Variants in CDH18 observed in about 807,000 individuals in gnomAD.
CDH18 encodes the protein cadherin-18.
In CDH18, 31 loss-of-function variants were observed where a neutral mutation model predicts 67.9. The ratio of observed to expected loss-of-function variants is 0.46; its 90% CI spans 0.34 to 0.62. The LOEUF is 0.62. CDH18 is among the 20% of genes least tolerant of loss of function. The pLI, the probability that CDH18 is intolerant of heterozygous loss-of-function variation, is 0.01. For missense variants in CDH18, 890 were observed against 975.5 expected (o/e 0.91, Z 1.17); for synonymous variants, 362 against 347.2 (o/e 1.04, Z -0.48).
At chr5:19,746,170 A>C (rs997305183) in intron 4 of CDH18, among the ~76,000 whole-genome samples, 1 of 152,292 alleles carries the variant, frequency 6.6e-6, no homozygotes, top group Admixed American at 6.5e-5. Flanking sequence ...AAAATAAACA[A>C]AAATAAATTC....
chr5:19,771,483 AG>A (rs1773724212), intron 3 of CDH18, among the ~76,000 whole-genome samples: 1 of 152,198 alleles, frequency 6.6e-6, no homozygotes, highest in African/African-American at 2.4e-5. Context: ...AGAGACACAC[AG>A]GTATCTTGGA....
chr5:19,709,384 A>G (rs941018507), intron 5 of CDH18, among the ~76,000 whole-genome samples: 2 of 152,084 alleles, frequency 1.3e-5, no homozygotes, highest in Non-Finnish European at 1.5e-5. Context: ...CCTGATCAAC[A>G]TGGTGAAACC....
At chr5:19,884,775 G>C (rs1788020596) in intron 2 of CDH18, among the ~76,000 whole-genome samples, 1 of 151,890 alleles carries the variant, frequency 6.6e-6, no homozygotes, top group Non-Finnish European at 1.5e-5. Context: ...ATTATTTCTA[G>C]AAGCTTAAGT....
chr5:19,848,563 A>C (rs1783273799), intron 2 of CDH18, among the ~76,000 whole-genome samples: 1 of 152,090 alleles, frequency 6.6e-6, no homozygotes, highest in Non-Finnish European at 1.5e-5. Context: ...TTGTTAATAT[A>C]ACTCAGGATA....
At chr5:20,448,821 A>G (rs769189460) in intron 1 of CDH18, among the ~76,000 whole-genome samples, 9 of 152,150 alleles carry the variant, frequency 5.9e-5, no homozygotes, top group Non-Finnish European at 1.2e-4. Flanking sequence ...CGATTAACCA[A>G]AACAATGACC....
intron 1 of CDH18, among the ~76,000 whole-genome samples, chr5:20,338,031 A>T (rs1580786530): frequency 6.6e-6 from 1 of 152,144 alleles, no homozygotes; most frequent in African/African-American, 2.4e-5. Flanking sequence ...ATCTTGTGAG[A>T]CCCACCAACC....
chr5:20,221,509 A>G (rs1433249068), intron 2 of CDH18, among the ~76,000 whole-genome samples: 1 of 152,128 alleles, frequency 6.6e-6, no homozygotes, highest in Non-Finnish European at 1.5e-5. Flanking sequence ...GTTATTGGGT[A>G]CAGAAACATA....
intron 2 of CDH18, among the ~76,000 whole-genome samples, chr5:19,890,681 G>A (rs186351180): frequency 5.3e-5 from 8 of 150,122 alleles, no homozygotes; most frequent in African/African-American, 1.5e-4. Context: ...TGCAACCTCC[G>A]CATCCTGGGT....
intron 2 of CDH18, among the ~76,000 whole-genome samples, chr5:19,843,708 C>G (rs978470577): frequency 1.3e-5 from 2 of 152,208 alleles, no homozygotes; most frequent in African/African-American, 4.8e-5. Context: ...TCAATGCCAG[C>G]TGTGAAAGCA....
At chr5:19,969,408 G>A (rs1295940383) in intron 2 of CDH18, among the ~76,000 whole-genome samples, 2 of 150,370 alleles carry the variant, frequency 1.3e-5, no homozygotes, top group Non-Finnish European at 1.5e-5. Flanking sequence ...TGTTTATTGC[G>A]GCACTATTCC....
intron 2 of CDH18, among the ~76,000 whole-genome samples, chr5:20,167,867 C>G (rs541465232): frequency 3.9e-5 from 6 of 152,290 alleles, no homozygotes; most frequent in African/African-American, 1.2e-4. Context: ...CTTGCCAGGG[C>G]ACCAATTGCT....
intron 7 of CDH18, among the ~76,000 whole-genome samples, chr5:19,586,687 A>G (rs979036378): frequency 1.3e-5 from 2 of 152,158 alleles, no homozygotes; most frequent in Admixed American, 6.6e-5. Flanking sequence ...ATGTGTCTTT[A>G]TAACAGAATG....
chr5:19,487,449 A>G (rs16885921), intron 11 of CDH18, among the ~76,000 whole-genome samples: 40,778 of 152,064 alleles, frequency 0.27, 5,698 homozygotes, highest in African/African-American at 0.34. Context: ...GAAGACTTTG[A>G]GACCTTAAAA....
intron 5 of CDH18, among the ~76,000 whole-genome samples, chr5:19,689,252 A>C (rs1372014586): frequency 6.6e-6 from 1 of 152,102 alleles, no homozygotes; most frequent in Non-Finnish European, 1.5e-5. Flanking sequence ...TGCAAATACA[A>C]ATAGAAAATT....
chr5:19,727,529 T>A (rs1050603836), intron 4 of CDH18, among the ~76,000 whole-genome samples: 1 of 152,208 alleles, frequency 6.6e-6, no homozygotes, highest in Non-Finnish European at 1.5e-5. Flanking sequence ...GACACCTTGT[T>A]CTCAGACTTC....
chr5:20,062,393 A>G (rs896387504), intron 2 of CDH18, among the ~76,000 whole-genome samples: 2 of 151,934 alleles, frequency 1.3e-5, no homozygotes, highest in Non-Finnish European at 2.9e-5. Flanking sequence ...ACCTCAAGTG[A>G]TCCACCCACC....
intron 2 of CDH18, among the ~76,000 whole-genome samples, chr5:20,080,086 T>TA (rs1372010088): frequency 6.6e-6 from 1 of 152,144 alleles, no homozygotes; most frequent in Non-Finnish European, 1.5e-5. Flanking sequence ...ATTCAGTTCA[T>TA]AGCAAGTATA....
chr5:20,176,404 C>T (rs1737237998), intron 2 of CDH18, among the ~76,000 whole-genome samples: 2 of 152,176 alleles, frequency 1.3e-5, no homozygotes, highest in African/African-American at 4.8e-5. Context: ...TGCCATTTCT[C>T]ACTGATCAAG....
At chr5:20,377,660 G>A (rs1562015498) in intron 1 of CDH18, among the ~76,000 whole-genome samples, 1 of 152,194 alleles carries the variant, frequency 6.6e-6, no homozygotes, top group Non-Finnish European at 1.5e-5. Flanking sequence ...GCATCTAGCA[G>A]TGAGTAAAAT....
Sources: gnomAD v4.1 joint callset for allele counts (sites outside exome capture counted in the v4.1 genomes callset) on GRCh38, gnomAD v4.1.1 for gene constraint, MANE v1.5 for transcripts, NCBI Gene and HGNC (gene_info 2026-07-23, HGNC 2026-07-21) for gene names.